The following FZD5 variants were observed in gnomAD, a reference collection of about 807,000 sequenced individuals.
The protein encoded by FZD5 is frizzled-5.
A neutral mutation model predicts 40.8 loss-of-function variants in FZD5; 12 were observed. That is an observed-to-expected ratio of 0.29 (90% CI 0.19 to 0.48). The LOEUF is 0.48. FZD5 is among the 20% of genes least tolerant of loss of function. The probability of loss-of-function intolerance (pLI) is 0.99; values close to 1 mark genes in which losing one functional copy is unlikely to be tolerated. For missense variants in FZD5, 622 were observed against 832.8 expected (o/e 0.75, Z 3.12); for synonymous variants, 380 against 383.7 (o/e 0.99, Z 0.11).
At position 207,767,413 on chromosome 2, in the gene FZD5, G is replaced by A. The variant is rs753336710; in HGVS notation, c.1327C>T (p.Leu443=). The A allele has an allele frequency of 1.2e-6, 2 of 1,612,852 alleles. No individual in the cohort carries two copies. The highest frequency in any genetic ancestry group is 8.5e-7 in the Non-Finnish European group (1 of 1,179,956). The stretch of plus-strand genomic sequence containing the variant: ...CCGATGCGGATCATGAGCTTCTCCA[G>A]CTTGTCCGTCTTGGTGCCGCCCTGC... ...IKQGGTKTDK[L]EKLMIRIGIF... is the part of the protein sequence containing the mutation. The change falls in exon 2 of 2, where the codon CTG becomes TTG. Residue 443 remains leucine (L), a synonymous_variant. Coordinates refer to ENST00000295417, the MANE Select transcript of FZD5 (RefSeq NM_003468.4).
chr2:207,767,162 C>G lies in FZD5; in HGVS notation c.1578G>C (p.Thr526=). The change falls in exon 2 of 2, where the codon ACG becomes ACC. Residue 526 remains threonine, a synonymous_variant. Coordinates refer to ENST00000295417, the MANE Select transcript of FZD5 (RefSeq NM_003468.4). ...TSGVWIWSGK[T]VESWRRFTSR... ...TGGTGAAACGCCGCCACGACTCCAC[C>G]GTCTTGCCCGACCAGATCCAGACGC... is the stretch of plus-strand genomic sequence containing the variant. 10 of 1,584,006 alleles carry G rather than the reference C, an allele frequency of 6.3e-6. No individual in the cohort carries two copies. The highest frequency in any genetic ancestry group is 7.7e-6 in the Non-Finnish European group (9 of 1,166,642).
In FZD5 at chr2:207,767,291, G is replaced by A. The variant is rs1296468069; in HGVS notation, c.1449C>T (p.Thr483=). Residue 483 remains threonine (T), a synonymous_variant, in exon 2 of 2, where the codon ACC becomes ACT. Coordinates refer to ENST00000295417, the MANE Select transcript of FZD5 (RefSeq NM_003468.4). ...HYRESWEAAL[T]CACPGHDTGQ... is the part of the protein sequence containing the mutation. ...CGGTGTCGTGGCCCGGGCAGGCGCA[G>A]GTGAGCGCCGCCTCCCAGCTCTCGC... 1.9e-6 allele frequency: 3 copies of A among 1,610,906 alleles called. No homozygotes were observed. The highest frequency in any genetic ancestry group is 3.3e-5 in the Admixed American group (2 of 59,870).
At position 207,768,668 on chromosome 2, in the gene FZD5, C is replaced by G. The variant is rs1180071257; in HGVS notation, c.72G>C (p.Ala24=). 8 of 1,609,530 alleles carry G rather than the reference C, an allele frequency of 5.0e-6. No homozygotes were observed. The African/African-American group carries it at 6.7e-5, about 13-fold the overall frequency. The stretch of plus-strand genomic sequence containing the variant: ...ACACCGGGGCCTTGGACGCGGCGGC[C>G]GCCCGGCCCACCAGCTGCGCTAGGA... The part of the protein sequence containing the change: ...LLLLAQLVGR[A]AAASKAPVCQ... The change falls in exon 2 of 2, where the codon GCG becomes GCC. Residue 24 remains alanine (A), a synonymous_variant. Transcript: ENST00000295417.
rs924370209 is a variant in FZD5, at chr2:207,765,237, T to C, written c.*1745A>G. On this transcript the variant is annotated 3_prime_UTR_variant, in exon 2 of 2. Coordinates refer to ENST00000295417, the MANE Select transcript of FZD5 (RefSeq NM_003468.4). Reference sequence around the variant, plus strand: ...TTGGTATAAGTGAATTACAAATGCCTACACTCAAGTTGTTTTCCTAGACAG... The same window carrying C: ...TTGGTATAAGTGAATTACAAATGCCCACACTCAAGTTGTTTTCCTAGACAG... 6.6e-6 allele frequency: 1 copy of C among 152,230 alleles called. No individual in the cohort carries two copies. Among genetic ancestry groups the C allele is most frequent in the Non-Finnish European group, 1.5e-5 (1 of 68,040 alleles). The allele number at this position is 152,230 out of a possible 1,614,324, so 9.4% of individuals were successfully genotyped here.
chr2:207,767,993 G>C lies in FZD5; in HGVS notation c.747C>G (p.Ser249=). ...GGAAGGTGGCCACTGTGGTGGACGT[G>C]GAGATGAAGCACAGCACCGACCACA... The part of the protein sequence containing the change: ...IGLWSVLCFI[S]TSTTVATFLI... Residue 249 remains serine (S), a synonymous_variant, in exon 2 of 2, where the codon TCC becomes TCG. Transcript: ENST00000295417. 4 of 1,609,952 alleles carry C rather than the reference G, an allele frequency of 2.5e-6. No individual in the cohort carries two copies. Among genetic ancestry groups the C allele is most frequent in the Non-Finnish European group, 2.5e-6 (3 of 1,178,084 alleles).
rs1382255143 is a variant in FZD5, at chr2:207,767,178, A to C, written c.1562T>G (p.Ile521Ser). 5 of 1,596,648 alleles carry C rather than the reference A, an allele frequency of 3.1e-6. No homozygotes were observed. The highest frequency in any genetic ancestry group is 2.6e-6 in the Non-Finnish European group (3 of 1,172,682). The change falls in exon 2 of 2, where the codon ATC (isoleucine) becomes AGC (serine). Residue 521 changes from isoleucine to serine, a missense_variant. Physicochemically the swap from Ile to Ser is moderately radical, Grantham distance 142. Coordinates refer to ENST00000295417, the MANE Select transcript of FZD5 (RefSeq NM_003468.4). ...CGACTCCACCGTCTTGCCCGACCAGATCCAGACGCCCGACGTGATGCCCAC... is the reference window on the plus strand; with the variant it reads ...CGACTCCACCGTCTTGCCCGACCAGCTCCAGACGCCCGACGTGATGCCCAC... Reference protein sequence around the residue: ...LVVGITSGVWIWSGKTVESWR... With the variant: ...LVVGITSGVWSWSGKTVESWR...
Position 207,767,378 on chromosome 2 carries a change from C to G in FZD5, c.1362G>C (p.Thr454=), listed in dbSNP as rs989343268. 1.9e-6 allele frequency: 3 copies of G among 1,612,522 alleles called. No individual in the cohort carries two copies. In the Middle Eastern group the frequency reaches 4.9e-4, roughly 266 times the overall value. The change falls in exon 2 of 2, where the codon ACG becomes ACC. Residue 454 remains threonine (T), a synonymous_variant. Transcript: ENST00000295417. ...EKLMIRIGIF[T]LLYTVPASIV... ...TGCTGGCGGGGACCGTGTAGAGCAG[C>G]GTGAAGATGCCGATGCGGATCATGA...
chr2:207,766,960 C>G lies in FZD5; in HGVS notation c.*22G>C. ...GCCCCCCTCCCCTCAGCTCTCCGGC[C>G]GAGTCCCTCGGCGGCAGCCTCCTAC... is the stretch of plus-strand genomic sequence containing the variant. On this transcript the variant is annotated 3_prime_UTR_variant, in exon 2 of 2. Transcript: ENST00000295417. 1 of 1,441,968 alleles carries G rather than the reference C, an allele frequency of 6.9e-7. No individual in the cohort carries two copies. The highest frequency in any genetic ancestry group is 9.1e-7 in the Non-Finnish European group (1 of 1,099,852). The allele number at this position is 1,441,968 out of a possible 1,614,324, so 89.3% of individuals were successfully genotyped here. A position where few individuals can be genotyped will look rare whatever the true frequency, so the allele number is the denominator to read the frequency against.
chr2:207,767,914 C>T lies in FZD5; in HGVS notation c.826G>A (p.Ala276Thr). The T allele has an allele frequency of 1.3e-6, 2 of 1,598,594 alleles. No individual in the cohort carries two copies. Among genetic ancestry groups the T allele is most frequent in the Non-Finnish European group, 1.7e-6 (2 of 1,172,434 alleles). ...YPERPIIFLS[A>T]CYLCVSLGFL... ...CCCAGCGACACGCACAGGTAGCAGG[C>T]TGACAGGAAGATGATGGGGCGCTCA... Residue 276 changes from alanine (A) to threonine (T), a missense_variant, in exon 2 of 2, where the codon GCC becomes ACC. By Grantham distance (58) the Ala-to-Thr change is moderately conservative (BLOSUM62 0). This residue lies in a region of FZD5 where 208 missense variants were observed against 348.9 expected (regional missense o/e 0.60). Transcript: ENST00000295417.
Position 207,767,946 on chromosome 2 carries a change from C to T in FZD5, c.794G>A (p.Arg265His). ...GAAGATGATGGGGCGCTCAGGATAG[C>T]GGAAGCGTTCCATGTCGATGAGGAA... ...ATFLIDMERFRYPERPIIFLS... is the reference protein window; with the variant it reads ...ATFLIDMERFHYPERPIIFLS... The change falls in exon 2 of 2, where the codon CGC becomes CAC. Residue 265 changes from arginine (R) to histidine (H), a missense_variant. Around this residue, in one of 4 missense-constraint regions of FZD5, gnomAD observed 208 missense variants for 348.9 expected, o/e 0.60. Transcript: ENST00000295417. The T allele has an allele frequency of 6.2e-7, 1 of 1,600,930 alleles. No individual in the cohort carries two copies. The highest frequency in any genetic ancestry group is 8.5e-7 in the Non-Finnish European group (1 of 1,173,638).
rs2091961591 is a variant in FZD5, at chr2:207,762,789, TTAAG to T, written c.*4189_*4192del. 6.6e-6 allele frequency: 1 copy of T among 152,628 alleles called. No individual in the cohort carries two copies. The highest frequency in any genetic ancestry group is 2.4e-5 in the African/African-American group (1 of 41,448). 9.5% of individuals were successfully genotyped at this position (152,628 alleles called of 1,614,324 possible). ...ATTTTTCTGAAGTAAGGTCAACAAA[TTAAG>T]TATCTTGAGACTAACATAACCACAT... On this transcript the variant is annotated 3_prime_UTR_variant, in exon 2 of 2. Transcript: ENST00000295417.
Position 207,766,809 on chromosome 2 carries a change from G to C in FZD5, c.*173C>G. 2.0e-6 allele frequency: 1 copy of C among 500,600 alleles called. No homozygotes were observed. The highest frequency in any genetic ancestry group is 3.4e-6 in the Non-Finnish European group (1 of 290,884). 31.0% of individuals were successfully genotyped at this position (500,600 alleles called of 1,614,324 possible). A position where few individuals can be genotyped will look rare whatever the true frequency, so the allele number is the denominator to read the frequency against. On this transcript the variant is annotated 3_prime_UTR_variant, in exon 2 of 2. Coordinates refer to ENST00000295417, the MANE Select transcript of FZD5 (RefSeq NM_003468.4). ...GAATACACGTGAGCTGGGCCCCTTGGAGAAGACCTGGGACAGGTTCTTCCT... is the reference window on the plus strand; with the variant it reads ...GAATACACGTGAGCTGGGCCCCTTGCAGAAGACCTGGGACAGGTTCTTCCT...
In FZD5 at chr2:207,769,549, C is replaced by A. The variant is rs1394842035; in HGVS notation, c.-540G>T. On this transcript the variant is annotated 5_prime_UTR_variant, in exon 1 of 2. Transcript: ENST00000295417. ...CGGGCAGGGGCAGGCCGTGCGTTCT[C>A]CCCGGGGCCGGGAGCCGGACGGAGG... 2 of 152,440 alleles carry A rather than the reference C, an allele frequency of 1.3e-5. No homozygotes were observed. The highest frequency in any genetic ancestry group is 2.9e-5 in the Non-Finnish European group (2 of 68,218). 9.4% of individuals were successfully genotyped at this position (152,440 alleles called of 1,614,324 possible).
In FZD5 at chr2:207,764,944, GAATA is replaced by G. The variant is rs1203019530; in HGVS notation, c.*2034_*2037del. 2 of 152,166 alleles carry G rather than the reference GAATA, an allele frequency of 1.3e-5. No individual in the cohort carries two copies. Among genetic ancestry groups the G allele is most frequent in the African/African-American group, 4.8e-5 (2 of 41,448 alleles). The allele number at this position is 152,166 out of a possible 1,614,324, so 9.4% of individuals were successfully genotyped here. On this transcript the variant is annotated 3_prime_UTR_variant, in exon 2 of 2. Coordinates refer to ENST00000295417, the MANE Select transcript of FZD5 (RefSeq NM_003468.4). ...TCTAGGAAGAGGCTTCTTCCTAGAA[GAATA>G]AATAGAGGAATAAAATAGGCACAAA...
rs568866521 is a variant in FZD5, at chr2:207,763,914, C to G, written c.*3068G>C. 1 of 152,728 alleles carries G rather than the reference C, an allele frequency of 6.5e-6. No homozygotes were observed. The highest frequency in any genetic ancestry group is 1.9e-4 in the East Asian group (1 of 5,184). 9.5% of individuals were successfully genotyped at this position (152,728 alleles called of 1,614,324 possible). ...TGCCCACAATTACACACAACACACA[C>G]ATGGGCCTTGGTCACTGGCAATGGT... On this transcript the variant is annotated 3_prime_UTR_variant, in exon 2 of 2. Transcript: ENST00000295417.
chr2:207,767,204 C>G lies in FZD5; in HGVS notation c.1536G>C (p.Val512=), dbSNP rs762268186. ...VLMLKYFMCL[V]VGITSGVWIW... ...TCCAGACGCCCGACGTGATGCCCAC[C>G]ACCAGGCACATGAAGTACTTGAGCA... Residue 512 remains valine (V), a synonymous_variant, in exon 2 of 2, where the codon GTG becomes GTC. Transcript: ENST00000295417. The G allele has an allele frequency of 1.9e-6, 3 of 1,607,132 alleles. No homozygotes were observed. The highest frequency in any genetic ancestry group is 2.5e-6 in the Non-Finnish European group (3 of 1,177,278).
Position 207,763,875 on chromosome 2 carries a change from T to G in FZD5, c.*3107A>C, listed in dbSNP as rs1329963584. ...TTGAAACAGTGCTGTCGGCACGTTA[T>G]TTAAGCTTGTACATGCCCACAATTA... On this transcript the variant is annotated 3_prime_UTR_variant, in exon 2 of 2. Coordinates refer to ENST00000295417, the MANE Select transcript of FZD5 (RefSeq NM_003468.4). 1 of 152,670 alleles carries G rather than the reference T, an allele frequency of 6.6e-6. No homozygotes were observed. The highest frequency in any genetic ancestry group is 3.2e-3 in the Middle Eastern group (1 of 316). 9.5% of individuals were successfully genotyped at this position (152,670 alleles called of 1,614,324 possible). A position where few individuals can be genotyped will look rare whatever the true frequency, so the allele number is the denominator to read the frequency against.
At position 207,768,269 on chromosome 2, in the gene FZD5, C is replaced by G. The variant is rs1250078026; in HGVS notation, c.471G>C (p.Thr157=). Residue 157 remains threonine, a synonymous_variant, in exon 2 of 2, where the codon ACG becomes ACC. Coordinates refer to ENST00000295417, the MANE Select transcript of FZD5 (RefSeq NM_003468.4). ...TGGCTGGGAAAGGCCTGGGGGGCGC[C>G]GTGGTGGCCTCGCTGCGGTTGTAAT... The part of the protein sequence containing the change: ...CMDYNRSEAT[T]APPRPFPAKP... 1.9e-6 allele frequency: 3 copies of G among 1,545,256 alleles called. No homozygotes were observed. In the Admixed American group the frequency reaches 5.8e-5, roughly 30 times the overall value.
Position 207,768,107 on chromosome 2 carries a change from C to G in FZD5, c.633G>C (p.Arg211=). ...CCGCGCAGTTGGGCACCTGGCCCGT[C>G]CGCACCTTGTTGTAGAGCGGGTGTG... ...KESHPLYNKV[R]TGQVPNCAVP... The change falls in exon 2 of 2, where the codon CGG becomes CGC. Residue 211 remains arginine (R), a synonymous_variant. Coordinates refer to ENST00000295417, the MANE Select transcript of FZD5 (RefSeq NM_003468.4). 1.2e-6 allele frequency: 2 copies of G among 1,613,400 alleles called. No individual in the cohort carries two copies. Among genetic ancestry groups the G allele is most frequent in the South Asian group, 2.2e-5 (2 of 90,988 alleles).
Sources: gnomAD v4.1 joint callset for allele counts on GRCh38, gnomAD v4.1.1 for gene constraint, gnomAD v4.1.1 regional missense constraint, MANE v1.5 for transcripts, NCBI Gene and HGNC (gene_info 2026-07-23, HGNC 2026-07-21) for gene names.